Variants in AACS observed in about 807,000 individuals in gnomAD.
The protein encoded by AACS is acetoacetate-CoA ligase.
In AACS, 69 loss-of-function variants were observed where a neutral mutation model predicts 83.1. The ratio of observed to expected loss-of-function variants is 0.83; its 90% CI spans 0.68 to 1.01. AACS has a LOEUF of 1.01. AACS is among the 50% of genes least tolerant of loss of function. AACS has a pLI of 0.00. For synonymous variants in AACS, 333 were observed against 343.4 expected (o/e 0.97, Z 0.33); for missense variants, 866 against 882.2 (o/e 0.98, Z 0.23).
At chr12:125,076,636 G>C in intron 3 of AACS, 25 bp downstream of exon 3, 1 of 1,613,258 alleles carries the variant, frequency 6.2e-7, no homozygotes, top group African/African-American at 1.3e-5. Flanking sequence ...CGAGACCTGG[G>C]ATTTCCTCCG....
In AACS at chr12:125,077,762, G is replaced by A. The variant is rs540704363; in HGVS notation, c.358+1151G>A. On this transcript the variant is annotated intron_variant, in intron 3 of 17. Transcript: ENST00000316519. ...AGAATCTTCCTCTGTTGCCAAGGCTGGAATGCAGTGATCTCAGTTTGCTGC... is the reference window on the plus strand; with the variant it reads ...AGAATCTTCCTCTGTTGCCAAGGCTAGAATGCAGTGATCTCAGTTTGCTGC... Among the ~76,000 whole-genome samples, 11 of 151,724 alleles carry A rather than the reference G, an allele frequency of 7.3e-5. No individual in the cohort carries two copies. The South Asian group carries it at 2.3e-3, about 32-fold the overall frequency.
chr12:125,137,214 C>T (rs1957413966), intron 17 of AACS, among the ~76,000 whole-genome samples: 1 of 152,168 alleles, frequency 6.6e-6, no homozygotes, highest in Non-Finnish European at 1.5e-5. Flanking sequence ...GAGTCTGTCA[C>T]CCAGGCTGGA....
At chr12:125,077,866 T>G (rs113337344) in intron 3 of AACS, among the ~76,000 whole-genome samples, 2,785 of 152,000 alleles carry the variant, frequency 0.018, 37 homozygotes, top group Middle Eastern at 0.048. Context: ...GCACCACCAT[T>G]GCTGGCTAAT....
intron 2 of AACS, 29 bp from the exon 3 acceptor site, chr12:125,076,462 G>A: frequency 6.2e-7 from 1 of 1,611,202 alleles, no homozygotes. Flanking sequence ...TCATGTGTGT[G>A]CGTCTTGGTT....
chr12:125,073,594 G>A (rs553485785), intron 1 of AACS, among the ~76,000 whole-genome samples: 3 of 152,256 alleles, frequency 2.0e-5, no homozygotes, highest in South Asian at 2.1e-4. Context: ...ATTTGAACCC[G>A]GGCATTTGGG....
At chr12:125,102,896 T>A in intron 6 of AACS, 103 bp downstream of exon 6, 1 of 1,438,676 alleles carries the variant, frequency 7.0e-7, no homozygotes, top group Non-Finnish European at 9.7e-7. Flanking sequence ...CCAGATTGTG[T>A]TATATTCTCT....
At chr12:125,137,890 G>A (rs1957422523) in intron 17 of AACS, among the ~76,000 whole-genome samples, 1 of 152,232 alleles carries the variant, frequency 6.6e-6, no homozygotes, top group South Asian at 2.1e-4. Context: ...GATGTTGCCC[G>A]GGAGCAGGGC....
intron 2 of AACS, among the ~76,000 whole-genome samples, chr12:125,076,280 G>A (rs899972424): frequency 5.3e-5 from 8 of 152,326 alleles, no homozygotes; most frequent in Non-Finnish European, 8.8e-5. Flanking sequence ...GTTGTTTTCC[G>A]TTGGCATTAA....
intron 12 of AACS, chr12:125,126,146 G>A (rs1957242099): frequency 6.6e-6 from 1 of 152,082 alleles, no homozygotes; most frequent in African/African-American, 2.4e-5. Flanking sequence ...TTTTAGTAGA[G>A]ATGAGATTTC....
chr12:125,085,384 C>T (rs1186962561), intron 3 of AACS, among the ~76,000 whole-genome samples: 2 of 151,990 alleles, frequency 1.3e-5, no homozygotes, highest in African/African-American at 4.8e-5. Flanking sequence ...GTTGCATCCA[C>T]ATCTGTTTCG....
chr12:125,070,628 A>G (rs1955835506), intron 1 of AACS, among the ~76,000 whole-genome samples: 1 of 152,248 alleles, frequency 6.6e-6, no homozygotes, highest in Non-Finnish European at 1.5e-5. Flanking sequence ...GGGACCAGAC[A>G]GGTGCCCAAG....
Position 125,136,702 on chromosome 12 carries a change from C to G in AACS, c.1719C>G (p.Pro573=), listed in dbSNP as rs779208698. The G allele has an allele frequency of 1.9e-6, 3 of 1,613,978 alleles. No individual in the cohort carries two copies. The African/African-American group carries it at 4.0e-5, about 22-fold the overall frequency. The change falls in exon 17 of 18, where the codon CCC becomes CCG. Residue 573 remains proline, a synonymous_variant. Coordinates refer to ENST00000316519, the MANE Select transcript of AACS (RefSeq NM_023928.5). ...FEEVEDSLCV[P]QYNKYREERV... ...AGGTGGAGGACAGCCTGTGTGTCCC[C>G]CAGTATAACAAGTACAGGGAGGAGA...
intron 7 of AACS, among the ~76,000 whole-genome samples, chr12:125,104,523 A>T (rs1240877515): frequency 2.0e-5 from 3 of 152,204 alleles, no homozygotes; most frequent in African/African-American, 7.2e-5. Context: ...GGATGTGCCC[A>T]GGGGTTGACA....
intron 5 of AACS, among the ~76,000 whole-genome samples, chr12:125,099,844 T>G (rs1234060521): frequency 6.6e-6 from 1 of 152,012 alleles, no homozygotes; most frequent in East Asian, 1.9e-4. Context: ...TCTGGCTAAT[T>G]TTTCTATTTT....
intron 13 of AACS, 105 bp downstream of exon 13, chr12:125,128,379 C>T: frequency 9.9e-7 from 1 of 1,009,648 alleles, no homozygotes; most frequent in South Asian, 2.0e-5. Context: ...CAAAACAGCC[C>T]TCGGAGGGGA....
chr12:125,124,440 G>A (rs905551644), intron 10 of AACS: 8 of 516,966 alleles, frequency 1.5e-5, no homozygotes, highest in Non-Finnish European at 2.8e-5. Context: ...ATGGGTTCGG[G>A]TGAGCGACTG....
chr12:125,124,577 G>A (rs1957213983), intron 10 of AACS, 128 bp from the exon 11 acceptor site: 2 of 1,067,742 alleles, frequency 1.9e-6, no homozygotes, highest in East Asian at 2.5e-5. Flanking sequence ...TGAAGTATGA[G>A]TTCAACCCAG....
chr12:125,107,257 C>T lies in AACS; in HGVS notation c.904C>T (p.His302Tyr). The T allele has an allele frequency of 6.2e-7, 1 of 1,613,752 alleles. No homozygotes were observed. Among genetic ancestry groups the T allele is most frequent in the Non-Finnish European group, 8.5e-7 (1 of 1,180,014 alleles). The change falls in exon 8 of 18, where the codon CAT becomes TAT. Residue 302 changes from histidine to tyrosine, a missense_variant. By Grantham distance (83) the His-to-Tyr change is moderately conservative (BLOSUM62 2). Coordinates refer to ENST00000316519, the MANE Select transcript of AACS (RefSeq NM_023928.5). ...GTTGAPKCMV[H>Y]SAGGTLIQHL... is the part of the protein sequence containing the mutation. ...CACGGGCGCACCCAAGTGCATGGTGCATTCCGCTGGGGTAGGTCTCTGGGG... is the reference window on the plus strand; with the variant it reads ...CACGGGCGCACCCAAGTGCATGGTGTATTCCGCTGGGGTAGGTCTCTGGGG...
In AACS at chr12:125,113,046, G is replaced by T. The variant is rs1956986410; in HGVS notation, c.916-1431G>T. On this transcript the variant is annotated intron_variant, in intron 8 of 17. Transcript: ENST00000316519. This position sits in a 1 kb window ranked among gnomAD's most constrained non-coding sequence, Gnocchi z 4.8. ...AGCCAAACCATATCAGGCAGCGTCT[G>T]CCTGTCTGCCTGGCAGTCTCTGGAA... is the stretch of plus-strand genomic sequence containing the variant. Among the ~76,000 whole-genome samples, 1 of 152,216 alleles carries T rather than the reference G, an allele frequency of 6.6e-6. No individual in the cohort carries two copies. Among genetic ancestry groups the T allele is most frequent in the African/African-American group, 2.4e-5 (1 of 41,458 alleles).
Sources: gnomAD v4.1 joint callset for allele counts (sites outside exome capture counted in the v4.1 genomes callset) on GRCh38, gnomAD v4.1.1 for gene constraint, Gnocchi (gnomAD v3.1) non-coding constraint, MANE v1.5 for transcripts, NCBI Gene and HGNC (gene_info 2026-07-23, HGNC 2026-07-21) for gene names.